The following IQUB variants were observed in gnomAD, a reference collection of about 807,000 sequenced individuals.
IQUB encodes IQ motif and ubiquitin domain containing.
Under a neutral mutation model 86.4 loss-of-function variants are expected in IQUB, and 86 were observed. The observed-to-expected ratio is 1.00, with a 90% CI of 0.84 to 1.19. The LOEUF (loss-of-function observed/expected upper bound fraction) is 1.19. Ranked by LOEUF, IQUB falls within the 50% of genes most tolerant of loss-of-function variation. The pLI is 0.00. For missense variants in IQUB, 946 were observed against 916.9 expected (o/e 1.03, Z -0.41); for synonymous variants, 289 against 304.5 (o/e 0.95, Z 0.53).
intron 3 of IQUB, among the ~76,000 whole-genome samples, chr7:123,504,018 C>T (rs890852334): frequency 4.0e-5 from 6 of 151,878 alleles, no homozygotes; most frequent in Admixed American, 1.3e-4. Flanking sequence ...ATTAAAAAAA[C>T]GCAATGTGTT....
At chr7:123,462,345 T>C (rs759794070) in intron 10 of IQUB, among the ~76,000 whole-genome samples, 1 of 151,822 alleles carries the variant, frequency 6.6e-6, no homozygotes, top group Non-Finnish European at 1.5e-5. Context: ...TGGACATCAA[T>C]GTTCTATAAA....
Position 123,452,915 on chromosome 7 carries a change from C to G in IQUB, c.2204G>C (p.Arg735Pro), listed in dbSNP as rs1525626. The G allele has an allele frequency of 9.1e-3, 14,551 of 1,605,198 alleles. 1,108 individuals carry two copies. The African/African-American group carries it at 0.17, about 19-fold the overall frequency. ...GTGTTTGATCTTGTGAATAAATGAG[C>G]GTTCATATCCCTGCAAAGAAAAAAA... ...KLTSIEEGYE[R>P]SFIHKIKHKH... Residue 735 changes from arginine to proline, a missense_variant, in exon 13 of 13, where the codon CGC (arginine) becomes CCC (proline). Coordinates refer to ENST00000324698, the MANE Select transcript of IQUB (RefSeq NM_178827.5).
At chr7:123,459,791 A>G (rs975962049) in intron 11 of IQUB, 5 of 152,028 alleles carry the variant, frequency 3.3e-5, no homozygotes, top group African/African-American at 1.2e-4. Flanking sequence ...AAGGAAATAT[A>G]CATCTGTCAT....
intron 7 of IQUB, among the ~76,000 whole-genome samples, chr7:123,485,590 T>G (rs921645385): frequency 1.3e-5 from 2 of 152,160 alleles, no homozygotes; most frequent in African/African-American, 4.8e-5. Context: ...ACCACCTGAT[T>G]TCCAGGGTTT....
At chr7:123,529,545 G>A (rs541803596) in intron 1 of IQUB, among the ~76,000 whole-genome samples, 125 of 150,256 alleles carry the variant, frequency 8.3e-4, no homozygotes, top group African/African-American at 3.0e-3. Context: ...GTTAAAGATC[G>A]AACTTTTAAA....
At chr7:123,529,763 C>A (rs1431957952) in intron 1 of IQUB, among the ~76,000 whole-genome samples, 6 of 134,472 alleles carry the variant, frequency 4.5e-5, no homozygotes, top group African/African-American at 1.4e-4. Context: ...AGGCTAGGTG[C>A]GGTGGCTCAT....
At chr7:123,454,220 A>G (rs76810548) in intron 12 of IQUB, among the ~76,000 whole-genome samples, 2,431 of 152,154 alleles carry the variant, frequency 0.016, 60 homozygotes, top group African/African-American at 0.055. Flanking sequence ...AAAAACTAAC[A>G]CACTTTATTA....
chr7:123,521,462 G>A (rs1796898592), intron 1 of IQUB, among the ~76,000 whole-genome samples: 1 of 152,064 alleles, frequency 6.6e-6, no homozygotes, highest in Non-Finnish European at 1.5e-5. Context: ...GGGCAACATA[G>A]TGAGACCCTG....
In IQUB at chr7:123,503,290, G is replaced by T. The variant is rs1407327016; in HGVS notation, c.606C>A (p.Ile202=). Residue 202 remains isoleucine (I), a synonymous_variant, in exon 4 of 13, where the codon ATC becomes ATA. Coordinates refer to ENST00000324698, the MANE Select transcript of IQUB (RefSeq NM_178827.5). ...GATACAGATCTGGATTTGTAGAAAA[G>T]ATTTCCACTTGTACAATTTCCTGTG... ...VKPQEIVQVE[I]FSTNPDLYPV... is the part of the protein sequence containing the mutation. The T allele has an allele frequency of 6.2e-6, 10 of 1,605,262 alleles. No individual in the cohort carries two copies. The Admixed American group carries it at 1.7e-4, about 27-fold the overall frequency.
intron 1 of IQUB, among the ~76,000 whole-genome samples, chr7:123,516,920 CAT>C (rs998429929): frequency 1.3e-5 from 2 of 152,044 alleles, no homozygotes; most frequent in Admixed American, 6.6e-5. Flanking sequence ...TTTAGCCTGC[CAT>C]AGTTTCATGA....
chr7:123,530,945 G>A (rs1797513769), intron 1 of IQUB, among the ~76,000 whole-genome samples: 1 of 152,036 alleles, frequency 6.6e-6, no homozygotes, highest in African/African-American at 2.4e-5. Context: ...CCAAAATGCT[G>A]GGATTAGGCT....
chr7:123,479,837 A>T lies in IQUB; in HGVS notation c.1368T>A (p.Tyr456Ter). ...ASIGRHRYIA[Y>*]MANQEAAIQA... is the part of the protein sequence containing the mutation. ...GTATTGCTGCTTCCTGATTTGCCAT[A>T]TAAGCAATGTATCTATGTCTCCCAA... Residue 456 changes from tyrosine (Y) to a stop codon, truncating the protein, a stop_gained, in exon 8 of 13, where the codon TAT becomes TAA. Coordinates refer to ENST00000324698, the MANE Select transcript of IQUB (RefSeq NM_178827.5). LOFTEE classifies it high-confidence loss of function. 6.2e-7 allele frequency: 1 copy of T among 1,612,748 alleles called. No individual in the cohort carries two copies. Among genetic ancestry groups the T allele is most frequent in the Middle Eastern group, 1.7e-4 (1 of 6,042 alleles).
chr7:123,471,633 C>CCG (rs71161483), intron 8 of IQUB, among the ~76,000 whole-genome samples: 10 of 110,500 alleles, frequency 9.0e-5, no homozygotes, highest in East Asian at 2.1e-4. Flanking sequence ...ACTCTGTTTT[C>CCG]CCCCCCAAGT....
At chr7:123,518,297 A>C (rs1351451917) in intron 1 of IQUB, among the ~76,000 whole-genome samples, 1 of 152,098 alleles carries the variant, frequency 6.6e-6, no homozygotes, top group African/African-American at 2.4e-5. Flanking sequence ...TCTTAATTTC[A>C]TTCTTGAAAC....
At chr7:123,510,999 C>A (rs1002349582) in intron 2 of IQUB, among the ~76,000 whole-genome samples, 2 of 152,070 alleles carry the variant, frequency 1.3e-5, no homozygotes, top group African/African-American at 2.4e-5. Context: ...GTTATAATAT[C>A]AGGGAATGAC....
chr7:123,499,302 G>T (rs958707132), intron 6 of IQUB, among the ~76,000 whole-genome samples: 13 of 151,912 alleles, frequency 8.6e-5, no homozygotes, highest in African/African-American at 3.1e-4. Flanking sequence ...TAGAGACAGG[G>T]TTTCACCAAG....
At chr7:123,508,220 T>G (rs1228189412) in intron 3 of IQUB, among the ~76,000 whole-genome samples, 2 of 152,180 alleles carry the variant, frequency 1.3e-5, no homozygotes, top group Admixed American at 6.5e-5. Flanking sequence ...AATGCAACTC[T>G]AAAAGCTGGA....
At chr7:123,479,995 T>C (rs1280039041) in intron 7 of IQUB, 25 bp from the exon 8 acceptor site, 4 of 1,555,820 alleles carry the variant, frequency 2.6e-6, no homozygotes, top group African/African-American at 1.4e-5. Context: ...CAATAGACTC[T>C]TGAGTTTTTA....
At chr7:123,533,124 G>C (rs1797623155) in intron 1 of IQUB, among the ~76,000 whole-genome samples, 1 of 152,224 alleles carries the variant, frequency 6.6e-6, no homozygotes, top group African/African-American at 2.4e-5. Context: ...CCGGAGCAGA[G>C]GGGAGAAAAT....
Sources: allele counts gnomAD v4.1 joint callset (sites outside exome capture counted in the v4.1 genomes callset), GRCh38; gene constraint gnomAD v4.1.1; transcripts MANE v1.5; gene names NCBI Gene and HGNC (gene_info 2026-07-23, HGNC 2026-07-21).